Variants in DNAJC4 observed in about 807,000 individuals in gnomAD.
The protein encoded by DNAJC4 is DnaJ heat shock protein family (Hsp40) member C4, also known as dnaJ homolog subfamily C member 4.
In DNAJC4, 26 loss-of-function variants were observed where a neutral mutation model predicts 26.8. The ratio of observed to expected loss-of-function variants is 0.97; its 90% CI spans 0.71 to 1.34. The LOEUF (loss-of-function observed/expected upper bound fraction) is 1.34, where lower values mean the gene tolerates loss of function less well. DNAJC4 is among the 40% of genes most tolerant of loss of function. The pLI is 0.00. For missense variants in DNAJC4, 342 were observed against 321.1 expected (o/e 1.07, Z -0.50); for synonymous variants, 134 against 127.8 (o/e 1.05, Z -0.33).
chr11:64,233,848 G>A (rs1271132973), intron 4 of DNAJC4, 46 bp from the exon 5 acceptor site: 4 of 1,600,456 alleles, frequency 2.5e-6, no homozygotes, highest in Non-Finnish European at 2.6e-6. Context: ...AGGACTTCAG[G>A]GACAGCAGGA....
Position 64,230,881 on chromosome 11 carries a change from G to A in DNAJC4, c.27G>A (p.Leu9=), listed in dbSNP as rs1306527063. ...TGCCGCCCTTACTGCCCCTGCGCCT[G>A]TGCCGGCTGTGGCCCCGCAACCCTC... MPPLLPLR[L]CRLWPRNPPS... The change falls in exon 1 of 6, where the codon CTG becomes CTA. Residue 9 remains leucine (L), a synonymous_variant. Coordinates refer to ENST00000628077, the MANE Select transcript of DNAJC4 (RefSeq NM_005528.4). 1 of 1,597,418 alleles carries A rather than the reference G, an allele frequency of 6.3e-7. No homozygotes were observed.
chr11:64,230,626 C>T lies in DNAJC4; in HGVS notation c.-229C>T. The T allele has an allele frequency of 1.5e-6, 1 of 649,548 alleles. No homozygotes were observed. Among genetic ancestry groups the T allele is most frequent in the South Asian group, 1.8e-5 (1 of 54,752 alleles). 40.2% of individuals were successfully genotyped at this position (649,548 alleles called of 1,614,324 possible). A position where few individuals can be genotyped will look rare whatever the true frequency, so the allele number is the denominator to read the frequency against. ...CTGGCTGGGTGGCCAGACCCCGAAG[C>T]CAGCGCTGGGAAGGGCTGCGGATGC... On this transcript the variant is annotated 5_prime_UTR_variant, in exon 1 of 6. Transcript: ENST00000628077.
intron 3 of DNAJC4, 25 bp from the exon 4 acceptor site, chr11:64,232,679 T>C (rs1947191740): frequency 6.3e-7 from 1 of 1,579,734 alleles, no homozygotes; most frequent in Admixed American, 1.7e-5. Context: ...ATTTCCACAA[T>C]GTCCCTTCCT....
At position 64,230,863 on chromosome 11, in the gene DNAJC4, C is replaced by G. The variant is rs1311878302; in HGVS notation, c.9C>G (p.Pro3=). The change falls in exon 1 of 6, where the codon CCC becomes CCG. Residue 3 remains proline, a synonymous_variant. Coordinates refer to ENST00000628077, the MANE Select transcript of DNAJC4 (RefSeq NM_005528.4). The part of the protein sequence containing the change: MP[P]LLPLRLCRLW... Reference sequence around the variant, plus strand: ...GCTGCCCGCCCGCCGCCATGCCGCCCTTACTGCCCCTGCGCCTGTGCCGGC... The same window carrying G: ...GCTGCCCGCCCGCCGCCATGCCGCCGTTACTGCCCCTGCGCCTGTGCCGGC... 1.2e-6 allele frequency: 2 copies of G among 1,600,320 alleles called. No individual in the cohort carries two copies. The highest frequency in any genetic ancestry group is 1.7e-6 in the Non-Finnish European group (2 of 1,175,720).
chr11:64,231,004 G>C, intron 1 of DNAJC4, 64 bp downstream of exon 1: 1 of 1,525,910 alleles, frequency 6.6e-7, no homozygotes, highest in South Asian at 1.2e-5. Flanking sequence ...TACGTGCTGA[G>C]TTAGTTGTGG....
chr11:64,234,183 G>A lies in DNAJC4; in HGVS notation c.725G>A (p.Ter242=). 1 of 1,557,006 alleles carries A rather than the reference G, an allele frequency of 6.4e-7. No homozygotes were observed. Among genetic ancestry groups the A allele is most frequent in the Non-Finnish European group, 8.7e-7 (1 of 1,154,830 alleles). ...PEIVPRGAGP[*] ...ATCGTGCCCCGGGGCGCCGGCCCCT[G>A]AGGGGCTCACCTGGATGGGGCCTGC... The change falls in exon 6 of 6, where the codon TGA becomes TAA. Residue 242 remains the stop codon, a stop_retained_variant. Coordinates refer to ENST00000628077, the MANE Select transcript of DNAJC4 (RefSeq NM_005528.4). The surrounding 1 kb of genome is among the most constrained non-coding windows in gnomAD (Gnocchi z 5.3).
At position 64,230,785 on chromosome 11, in the gene DNAJC4, T is replaced by G. The variant is rs780623067; in HGVS notation, c.-70T>G. 1 of 1,546,724 alleles carries G rather than the reference T, an allele frequency of 6.5e-7. No individual in the cohort carries two copies. The highest frequency in any genetic ancestry group is 1.9e-5 in the Admixed American group (1 of 52,660). ...GCCCCTTCCCTCTGCCCCCGGGTGCTTGAAGTCTAGCCCCATCCTGGTCCA... is the reference window on the plus strand; with the variant it reads ...GCCCCTTCCCTCTGCCCCCGGGTGCGTGAAGTCTAGCCCCATCCTGGTCCA... On this transcript the variant is annotated 5_prime_UTR_variant, in exon 1 of 6. Transcript: ENST00000628077.
intron 1 of DNAJC4, chr11:64,231,266 T>C (rs576002337): frequency 4.6e-6 from 2 of 437,638 alleles, no homozygotes; most frequent in Non-Finnish European, 8.6e-6. Flanking sequence ...TCCAGATTCC[T>C]GGGCTCTGCT....
chr11:64,230,728 C>T lies in DNAJC4; in HGVS notation c.-127C>T, dbSNP rs1446481618. Reference sequence around the variant, plus strand: ...AAGAACCGCCCCCTCTCCGGGCCTGCTTCAGTCTTCCTTTGCAGAACAACG... The same window carrying T: ...AAGAACCGCCCCCTCTCCGGGCCTGTTTCAGTCTTCCTTTGCAGAACAACG... On this transcript the variant is annotated 5_prime_UTR_variant, in exon 1 of 6. Coordinates refer to ENST00000628077, the MANE Select transcript of DNAJC4 (RefSeq NM_005528.4). 3.0e-6 allele frequency: 4 copies of T among 1,341,124 alleles called. No homozygotes were observed. The African/African-American group carries it at 5.8e-5, about 19-fold the overall frequency. 83.1% of individuals were successfully genotyped at this position (1,341,124 alleles called of 1,614,324 possible).
Position 64,230,710 on chromosome 11 carries a change from G to C in DNAJC4, c.-145G>C. 8.7e-7 allele frequency: 1 copy of C among 1,152,870 alleles called. No individual in the cohort carries two copies. The highest frequency in any genetic ancestry group is 1.2e-6 in the Non-Finnish European group (1 of 807,424). The allele number at this position is 1,152,870 out of a possible 1,614,324, so 71.4% of individuals were successfully genotyped here. A position where few individuals can be genotyped will look rare whatever the true frequency, so the allele number is the denominator to read the frequency against. Reference sequence around the variant, plus strand: ...GCGGGTCTGGTCCTGGGCAAGAACCGCCCCCTCTCCGGGCCTGCTTCAGTC... The same window carrying C: ...GCGGGTCTGGTCCTGGGCAAGAACCCCCCCCTCTCCGGGCCTGCTTCAGTC... On this transcript the variant is annotated 5_prime_UTR_variant, in exon 1 of 6. Transcript: ENST00000628077.
chr11:64,230,520 A>C (rs958625382), upstream of DNAJC4: 107 of 589,198 alleles, frequency 1.8e-4, no homozygotes, highest in East Asian at 3.7e-3. Context: ...CGGGTCTGTG[A>C]GCAGCGGGGG....
At position 64,231,110 on chromosome 11, in the gene DNAJC4, C is replaced by A. The variant is rs1017807982; in HGVS notation, c.86+170C>A. ...GATAGAGAAGACCCCCAAGGTCATA[C>A]ACCGATTTAAGCGGCAGAGGAGGAA... On this transcript the variant is annotated intron_variant, in intron 1 of 5. Transcript: ENST00000628077. The A allele has an allele frequency of 3.9e-5, 35 of 886,124 alleles. No homozygotes were observed. In the East Asian group the frequency reaches 8.5e-4, roughly 21 times the overall value. The allele number at this position is 886,124 out of a possible 1,614,324, so 54.9% of individuals were successfully genotyped here.
rs1275041679 is a variant in DNAJC4, at chr11:64,230,552, CCTT to C, written c.-300_-298del. The C allele has an allele frequency of 1.0e-5, 6 of 595,912 alleles. No homozygotes were observed. Among genetic ancestry groups the C allele is most frequent in the African/African-American group, 5.6e-5 (3 of 53,746 alleles). 36.9% of individuals were successfully genotyped at this position (595,912 alleles called of 1,614,324 possible). ...GGGGCGGGGCCTGGTTGTGGCCCCT[CCTT>C]CTCCCGTCCCCAAGTTCCCTGGGTG... On this transcript the variant is annotated 5_prime_UTR_variant, in exon 1 of 6. Coordinates refer to ENST00000628077, the MANE Select transcript of DNAJC4 (RefSeq NM_005528.4).
chr11:64,233,897 G>C lies in DNAJC4; in HGVS notation c.531G>C (p.Lys177Asn). ...GMGLHYIAFR[K>N]VKQMHLNFMD... ...GGTTAATTGTGACCCATTGCAGGAA[G>C]GTGAAGCAGATGCACCTTAACTTCA... The change falls in exon 5 of 6, where the codon AAG (lysine) becomes AAC (asparagine). Residue 177 changes from lysine (K) to asparagine (N), a missense_variant. By Grantham distance (94) the Lys-to-Asn change is moderately conservative. Coordinates refer to ENST00000628077, the MANE Select transcript of DNAJC4 (RefSeq NM_005528.4). 1.2e-6 allele frequency: 2 copies of C among 1,613,002 alleles called. No homozygotes were observed. The highest frequency in any genetic ancestry group is 1.7e-6 in the Non-Finnish European group (2 of 1,179,124).
rs1947195172 is a variant in DNAJC4, at chr11:64,232,881, C to T, written c.527+16C>T. 1 of 1,556,404 alleles carries T rather than the reference C, an allele frequency of 6.4e-7. No individual in the cohort carries two copies. Among genetic ancestry groups the T allele is most frequent in the Middle Eastern group, 1.7e-4 (1 of 5,860 alleles). On this transcript the variant is annotated intron_variant, in intron 4 of 5. Coordinates refer to ENST00000628077, the MANE Select transcript of DNAJC4 (RefSeq NM_005528.4). ...TTGCCTTCAGGTGATGCCTGTTCTCCCCGGGGTGATGGGCAGAGGGCAGGA... is the reference window on the plus strand; with the variant it reads ...TTGCCTTCAGGTGATGCCTGTTCTCTCCGGGGTGATGGGCAGAGGGCAGGA...
chr11:64,231,273 T>C (rs1485215717), intron 1 of DNAJC4: 7 of 405,188 alleles, frequency 1.7e-5, no homozygotes, highest in Non-Finnish European at 3.2e-5. Context: ...TCCTGGGCTC[T>C]GCTCTGGAGA....
In DNAJC4 at chr11:64,230,922, G is replaced by A; in HGVS notation, c.68G>A (p.Gly23Glu). Residue 23 changes from glycine to glutamate, a missense_variant, in exon 1 of 6, where the codon GGA becomes GAA. Transcript: ENST00000628077. The stretch of plus-strand genomic sequence containing the variant: ...CGCAACCCTCCCTCCCGGCTCCTCG[G>A]AGCGGCCGCCGGGCAGCGGTGAGTT... Reference protein sequence around the residue: ...WPRNPPSRLLGAAAGQRSRPS... With the variant: ...WPRNPPSRLLEAAAGQRSRPS... 1 of 1,570,510 alleles carries A rather than the reference G, an allele frequency of 6.4e-7. No homozygotes were observed. Among genetic ancestry groups the A allele is most frequent in the Non-Finnish European group, 8.6e-7 (1 of 1,163,792 alleles).
At position 64,232,468 on chromosome 11, in the gene DNAJC4, C is replaced by T. The variant is rs772458068; in HGVS notation, c.219C>T (p.His73=). The T allele has an allele frequency of 3.4e-5, 54 of 1,606,256 alleles. No individual in the cohort carries two copies. The highest frequency in any genetic ancestry group is 4.5e-5 in the Non-Finnish European group (53 of 1,174,648). ...PDRDPGNPSL[H]SRFVELSEAY... ...GGGACCCTGGGAACCCAAGCCTGCACAGCCGCTTTGTGGAGCTGAGCGAGG... is the reference window on the plus strand; with the variant it reads ...GGGACCCTGGGAACCCAAGCCTGCATAGCCGCTTTGTGGAGCTGAGCGAGG... The change falls in exon 3 of 6, where the codon CAC becomes CAT. Residue 73 remains histidine, a synonymous_variant. Coordinates refer to ENST00000628077, the MANE Select transcript of DNAJC4 (RefSeq NM_005528.4).
At chr11:64,233,426 A>C (rs1170555362) in intron 4 of DNAJC4, 4 of 163,020 alleles carry the variant, frequency 2.5e-5, no homozygotes, top group Admixed American at 2.3e-4. Flanking sequence ...TTTTTAGTAG[A>C]GATGGGGTTT....
Sources: allele counts gnomAD v4.1 joint callset, GRCh38; gene constraint gnomAD v4.1.1; non-coding constraint Gnocchi (gnomAD v3.1); transcripts MANE v1.5; gene names NCBI Gene and HGNC (gene_info 2026-07-23, HGNC 2026-07-21).